Variants in SCN9A observed in about 807,000 individuals in gnomAD.
The protein encoded by SCN9A is sodium channel protein type 9 subunit alpha.
In SCN9A, 131 loss-of-function variants were observed where a neutral mutation model predicts 187.0. That is an observed-to-expected ratio of 0.70 (90% CI 0.61 to 0.81). The LOEUF (loss-of-function observed/expected upper bound fraction) is 0.81, where lower values mean the gene tolerates loss of function less well. Ranked by LOEUF, SCN9A falls within the 30% of genes least tolerant of loss-of-function variation. SCN9A has a pLI of 0.00. For synonymous variants in SCN9A, 809 were observed against 808.6 expected, an observed-to-expected ratio of 1.00 and a Z score of -0.01; for missense variants, 2,252 against 2,396.6, an observed-to-expected ratio of 0.94 and a Z score of 1.26.
chr2:166,368,996 A>G (rs1344607356), intron 1 of SCN9A, among the ~76,000 whole-genome samples: 1 of 152,124 alleles, frequency 6.6e-6, no homozygotes, highest in African/African-American at 2.4e-5. Context: ...TCAAAAAAAA[A>G]AAAAAGAATG....
chr2:166,280,120 C>T (rs1697411054), intron 14 of SCN9A, among the ~76,000 whole-genome samples: 1 of 152,124 alleles, frequency 6.6e-6, no homozygotes, highest in Non-Finnish European at 1.5e-5. Flanking sequence ...ATTATCAACT[C>T]CCAAGATGGT....
chr2:166,347,296 C>CA (rs1259176125), intron 1 of SCN9A, among the ~76,000 whole-genome samples: 13 of 152,046 alleles, frequency 8.6e-5, no homozygotes, highest in African/African-American at 2.9e-4. Flanking sequence ...CAACTTCTGG[C>CA]AAAAAATATA....
chr2:166,365,189 T>C (rs1263730654), intron 1 of SCN9A, among the ~76,000 whole-genome samples: 1 of 152,096 alleles, frequency 6.6e-6, no homozygotes, highest in Non-Finnish European at 1.5e-5. Flanking sequence ...GTTCCAAGAA[T>C]CCAATCCATT....
chr2:166,277,621 T>C (rs1019950741), intron 15 of SCN9A: 17 of 322,088 alleles, frequency 5.3e-5, no homozygotes, highest in South Asian at 4.7e-4. Flanking sequence ...ATATTTTTCT[T>C]TTAGAATTGA....
At chr2:166,265,227 T>C (rs535042915) in intron 17 of SCN9A, among the ~76,000 whole-genome samples, 1 of 152,008 alleles carries the variant, frequency 6.6e-6, no homozygotes, top group East Asian at 1.9e-4. Context: ...CCTCCAAGCC[T>C]CCCATCCTCC....
intron 24 of SCN9A, among the ~76,000 whole-genome samples, chr2:166,206,094 A>G (rs1693789863): frequency 6.6e-6 from 1 of 152,188 alleles, no homozygotes; most frequent in South Asian, 2.1e-4. Flanking sequence ...ACCATTGTGG[A>G]AGACAGTGTG....
In SCN9A at chr2:166,248,081, C is replaced by G. The variant is rs555839135; in HGVS notation, c.3472+3684G>C. 5 of 152,182 alleles carry G rather than the reference C, an allele frequency of 3.3e-5. No individual in the cohort carries two copies. In the South Asian group the frequency reaches 8.3e-4, roughly 25 times the overall value. The allele number at this position is 152,182 out of a possible 1,614,324, so 9.4% of individuals were successfully genotyped here. The stretch of plus-strand genomic sequence containing the variant: ...TAATTATGAAGCTGAAATGAATCAA[C>G]AAATGTGAGACTATGAACAACAAAA... On this transcript the variant is annotated intron_variant, in intron 18 of 26. Coordinates refer to ENST00000642356, the MANE Select transcript of SCN9A (RefSeq NM_001365536.1).
rs932635567 is a variant in SCN9A at position 166,197,237 on chromosome 2, G to A, written c.*1435C>T. On this transcript the variant is annotated 3_prime_UTR_variant, in exon 27 of 27. Coordinates refer to ENST00000642356, the MANE Select transcript of SCN9A (RefSeq NM_001365536.1). ...TCTCATATTCCTGAAATAAACTCACGAAAAAAAGCATTATGGTTATTTCTT... is the reference window on the plus strand; with the variant it reads ...TCTCATATTCCTGAAATAAACTCACAAAAAAAAGCATTATGGTTATTTCTT... The A allele has an allele frequency of 5.3e-5, 8 of 151,822 alleles. No homozygotes were observed. The highest frequency in any genetic ancestry group is 6.8e-3 in the Middle Eastern group (2 of 294). The allele number at this position is 151,822 out of a possible 1,614,324, so 9.4% of individuals were successfully genotyped here.
rs1697757340 is a variant in SCN9A at position 166,286,583 on chromosome 2, C to A, written c.1355G>T (p.Arg452Ile). The change falls in exon 11 of 27, where the codon AGA becomes ATA. Residue 452 changes from arginine (R) to isoleucine (I), a missense_variant. Physicochemically the swap from Arg to Ile is moderately conservative, Grantham distance 97 (BLOSUM62 -3). Around this residue, in one of 7 missense-constraint regions of SCN9A, gnomAD observed 1,013 missense variants for 997.4 expected, o/e 1.02. Coordinates refer to ENST00000642356, the MANE Select transcript of SCN9A (RefSeq NM_001365536.1). ...AAAAEYTSIR[R>I]SRIMGLSESS... ...CTCTGAGAGGCCCATAATTCTGCTT[C>A]TCCTAATACTTGTATATTCAGCCGC... 1 of 1,589,736 alleles carries A rather than the reference C, an allele frequency of 6.3e-7. No individual in the cohort carries two copies. The highest frequency in any genetic ancestry group is 2.2e-5 in the East Asian group (1 of 44,630).
At chr2:166,361,204 C>T (rs1195518112) in intron 1 of SCN9A, among the ~76,000 whole-genome samples, 2 of 143,190 alleles carry the variant, frequency 1.4e-5, no homozygotes, top group Non-Finnish European at 3.2e-5. Flanking sequence ...GTGCACAATA[C>T]ATTGTAACTG....
chr2:166,271,472 T>TA (rs1696981132), intron 17 of SCN9A, among the ~76,000 whole-genome samples: 2 of 151,886 alleles, frequency 1.3e-5, no homozygotes, highest in Non-Finnish European at 1.5e-5. Flanking sequence ...TTGGTACAGG[T>TA]AAAAATCTAT....
intron 1 of SCN9A, among the ~76,000 whole-genome samples, chr2:166,354,659 C>G (rs1700111635): frequency 6.6e-6 from 1 of 152,142 alleles, no homozygotes; most frequent in Non-Finnish European, 1.5e-5. Flanking sequence ...AACCTAGGCA[C>G]AGATACAATC....
chr2:166,210,128 TA>T (rs1694015765), intron 24 of SCN9A, among the ~76,000 whole-genome samples: 1 of 151,910 alleles, frequency 6.6e-6, no homozygotes, highest in Admixed American at 6.6e-5. Flanking sequence ...TATGCAGCCA[TA>T]AAAAAGGATG....
chr2:166,320,556 T>C (rs2105244319), intron 1 of SCN9A, among the ~76,000 whole-genome samples: 1 of 152,280 alleles, frequency 6.6e-6, no homozygotes, highest in East Asian at 1.9e-4. Flanking sequence ...TTCTACTTTC[T>C]CTGCTTAGAT....
intron 1 of SCN9A, among the ~76,000 whole-genome samples, chr2:166,335,544 G>A (rs966829556): frequency 6.6e-6 from 1 of 152,164 alleles, no homozygotes; most frequent in African/African-American, 2.4e-5. Flanking sequence ...ATGGTCACTA[G>A]AGTGGGACAC....
At chr2:166,256,627 A>G (rs566319553) in intron 17 of SCN9A, among the ~76,000 whole-genome samples, 9 of 151,508 alleles carry the variant, frequency 5.9e-5, no homozygotes, top group Non-Finnish European at 7.4e-5. Flanking sequence ...TTTTAAAAAA[A>G]GGGCAAGAAA....
chr2:166,349,422 TTTG>T (rs1258716865), intron 1 of SCN9A, among the ~76,000 whole-genome samples: 5 of 152,250 alleles, frequency 3.3e-5, no homozygotes, highest in African/African-American at 1.2e-4. Context: ...TACTGTTGTA[TTTG>T]TTATCATTTT....
At chr2:166,330,111 C>T (rs1699465482) in intron 1 of SCN9A, among the ~76,000 whole-genome samples, 2 of 152,130 alleles carry the variant, frequency 1.3e-5, no homozygotes, top group African/African-American at 4.8e-5. Context: ...TATTTTCCTT[C>T]TAAAGGTTAA....
intron 1 of SCN9A, among the ~76,000 whole-genome samples, chr2:166,352,025 C>T (rs1700044463): frequency 6.6e-6 from 1 of 152,068 alleles, no homozygotes; most frequent in Non-Finnish European, 1.5e-5. Context: ...TGTCTTCATT[C>T]TATGGCGTTT....
Sources: gnomAD v4.1 joint callset for allele counts (sites outside exome capture counted in the v4.1 genomes callset) on GRCh38, gnomAD v4.1.1 for gene constraint, gnomAD v4.1.1 regional missense constraint, MANE v1.5 for transcripts, NCBI Gene and HGNC (gene_info 2026-07-23, HGNC 2026-07-21) for gene names.